The following ASS1 variants were observed in gnomAD, a reference collection of about 807,000 sequenced individuals.
ASS1 encodes argininosuccinate synthase 1, also known as argininosuccinate synthase.
Under a neutral mutation model 60.5 loss-of-function variants are expected in ASS1, and 58 were observed. That is an observed-to-expected ratio of 0.96 (90% CI 0.78 to 1.19). The LOEUF is 1.19. ASS1 is among the 50% of genes most tolerant of loss of function. The probability of loss-of-function intolerance (pLI) is 0.00; values close to 1 mark genes in which losing one functional copy is unlikely to be tolerated. For synonymous variants in ASS1, 200 were observed against 206.9 expected (o/e 0.97, Z 0.29); for missense variants, 454 against 547.3 (o/e 0.83, Z 1.70).
intron 1 of ASS1, chr9:130,451,971 G>A (rs1479398999): frequency 1.1e-5 from 7 of 640,400 alleles, no homozygotes; most frequent in East Asian, 6.3e-5. Context: ...GCCTCTCCCC[G>A]ACCAGCCTAG....
intron 2 of ASS1, among the ~76,000 whole-genome samples, chr9:130,452,636 G>T (rs1226767838): frequency 3.9e-5 from 6 of 152,324 alleles, no homozygotes; most frequent in Middle Eastern, 3.4e-3. Context: ...CTTGCAGAGA[G>T]GCATGGGCTG....
At position 130,499,356 on chromosome 9, in the gene ASS1, T is replaced by C. The variant is rs192915423; in HGVS notation, c.1128-149T>C. 8 of 837,412 alleles carry C rather than the reference T, an allele frequency of 9.6e-6. No homozygotes were observed. The South Asian group carries it at 1.0e-4, about 11-fold the overall frequency. 51.9% of individuals were successfully genotyped at this position (837,412 alleles called of 1,614,324 possible). Reference sequence around the variant, plus strand: ...TTCCCTGAGTTGTACAGAAATTCAATGGAAAGCCGACGTGCAGGGAGGGTT... The same window carrying C: ...TTCCCTGAGTTGTACAGAAATTCAACGGAAAGCCGACGTGCAGGGAGGGTT... On this transcript the variant is annotated intron_variant, in intron 13 of 14. Coordinates refer to ENST00000352480, the MANE Select transcript of ASS1 (RefSeq NM_054012.4).
At chr9:130,446,633 T>C (rs1179352953) in intron 1 of ASS1, among the ~76,000 whole-genome samples, 2 of 152,222 alleles carry the variant, frequency 1.3e-5, no homozygotes, top group Non-Finnish European at 2.9e-5. Context: ...TCCTGAGTGC[T>C]TGGGAAGCAG....
At chr9:130,492,148 G>C (rs905445352) in intron 12 of ASS1, among the ~76,000 whole-genome samples, 2 of 152,184 alleles carry the variant, frequency 1.3e-5, no homozygotes, top group Non-Finnish European at 2.9e-5. Context: ...ATAACTGCGA[G>C]CGCCCGGCGT....
At chr9:130,467,121 G>A (rs976385999) in intron 6 of ASS1, among the ~76,000 whole-genome samples, 3 of 152,064 alleles carry the variant, frequency 2.0e-5, no homozygotes, top group Admixed American at 6.5e-5. Flanking sequence ...TGCCACCTCC[G>A]CAGTGTGTGT....
intron 5 of ASS1, among the ~76,000 whole-genome samples, chr9:130,465,625 T>C (rs1261362675): frequency 6.6e-6 from 1 of 152,194 alleles, no homozygotes; most frequent in African/African-American, 2.4e-5. Context: ...GGGCTCAAGC[T>C]CTGGAAGAGT....
rs994951725 is a variant in ASS1 at position 130,489,686 on chromosome 9, G to A, written c.970+222G>A. Among the ~76,000 whole-genome samples the A allele has an allele frequency of 2.6e-5, 4 of 152,150 alleles. No homozygotes were observed. Among genetic ancestry groups the A allele is most frequent in the African/African-American group, 7.2e-5 (3 of 41,430 alleles). ...GATGCTAGAACCTGCCTTGCCATGG[G>A]GTGTGTCCAGGGAGATGCACCGGCT... is the stretch of plus-strand genomic sequence containing the variant. On this transcript the variant is annotated intron_variant, in intron 12 of 14. Coordinates refer to ENST00000352480, the MANE Select transcript of ASS1 (RefSeq NM_054012.4). This position sits in a 1 kb window ranked among gnomAD's most constrained non-coding sequence, Gnocchi z 4.1.
chr9:130,476,546 C>T lies in ASS1; in HGVS notation c.598-325C>T, dbSNP rs961790036. 7 of 478,212 alleles carry T rather than the reference C, an allele frequency of 1.5e-5. No homozygotes were observed. Among genetic ancestry groups the T allele is most frequent in the African/African-American group, 2.0e-5 (1 of 51,134 alleles). 29.6% of individuals were successfully genotyped at this position (478,212 alleles called of 1,614,324 possible). On this transcript the variant is annotated intron_variant, in intron 8 of 14. Coordinates refer to ENST00000352480, the MANE Select transcript of ASS1 (RefSeq NM_054012.4). The surrounding 1 kb of genome is among the most constrained non-coding windows in gnomAD (Gnocchi z 4.9). ...CGCTCCTGGGAAGCCCTCGGAACGC[C>T]GCCTTGCTCCTCCAAAGTCACACTT...
intron 8 of ASS1, among the ~76,000 whole-genome samples, chr9:130,472,761 C>T (rs1408821816): frequency 6.6e-6 from 1 of 152,228 alleles, no homozygotes; most frequent in Non-Finnish European, 1.5e-5. Context: ...ATTAGCCAGT[C>T]AGTCAGCTCC....
At chr9:130,482,149 G>A (rs1430460932) in intron 11 of ASS1, among the ~76,000 whole-genome samples, 7 of 152,114 alleles carry the variant, frequency 4.6e-5, no homozygotes, top group Admixed American at 1.3e-4. Flanking sequence ...TGGGCCCAGA[G>A]TGGCATGGAG....
rs550402576 is a variant in ASS1, at chr9:130,494,067, C to T, written c.971-800C>T. ...AAGTTTCTTAACTTCTCTGAGCCTC[C>T]CTTCCTCACCCAGAAAGGGGAGAGG... On this transcript the variant is annotated intron_variant, in intron 12 of 14. Transcript: ENST00000352480. The surrounding 1 kb of genome is among the most constrained non-coding windows in gnomAD (Gnocchi z 4.3). 1.1e-4 allele frequency among the ~76,000 whole-genome samples: 17 copies of T among 152,206 alleles called. No individual in the cohort carries two copies. Among genetic ancestry groups the T allele is most frequent in the Non-Finnish European group, 2.2e-4 (15 of 68,038 alleles).
rs1588502683 is a variant in ASS1 at position 130,488,305 on chromosome 9, G to A, written c.839-1028G>A. 6.6e-6 allele frequency among the ~76,000 whole-genome samples: 1 copy of A among 152,302 alleles called. No individual in the cohort carries two copies. The highest frequency in any genetic ancestry group is 1.5e-5 in the Non-Finnish European group (1 of 68,030). The stretch of plus-strand genomic sequence containing the variant: ...GTGATGTAACGTATGGTGGAAGAAA[G>A]GAAGCTCTCGGGGTAGAATCCATGG... On this transcript the variant is annotated intron_variant, in intron 11 of 14. Transcript: ENST00000352480. The surrounding 1 kb of genome is among the most constrained non-coding windows in gnomAD (Gnocchi z 5.2).
intron 11 of ASS1, among the ~76,000 whole-genome samples, chr9:130,484,597 G>A (rs1191595099): frequency 6.6e-6 from 1 of 152,118 alleles, no homozygotes; most frequent in Non-Finnish European, 1.5e-5. Context: ...GATGTCCGTT[G>A]TCTCTTCCAC....
chr9:130,458,699 T>C, intron 4 of ASS1, 110 bp downstream of exon 4: 1 of 1,424,132 alleles, frequency 7.0e-7, no homozygotes. Context: ...GCAGACTTGG[T>C]GCAAGGCAGC....
At position 130,459,379 on chromosome 9, in the gene ASS1, C is replaced by T. The variant is rs1184376178; in HGVS notation, c.363+790C>T. Among the ~76,000 whole-genome samples, 2 of 151,968 alleles carry T rather than the reference C, an allele frequency of 1.3e-5. No homozygotes were observed. Among genetic ancestry groups the T allele is most frequent in the East Asian group, 3.9e-4 (2 of 5,160 alleles). On this transcript the variant is annotated intron_variant, in intron 4 of 14. Transcript: ENST00000352480. This position sits in a 1 kb window ranked among gnomAD's most constrained non-coding sequence, Gnocchi z 4.6. Reference sequence around the variant, plus strand: ...TTACCTTCCCCTTGCTACAGGAACCCGTCTTGGATTAGGGCCCTTCAATGA... The same window carrying T: ...TTACCTTCCCCTTGCTACAGGAACCTGTCTTGGATTAGGGCCCTTCAATGA...
intron 5 of ASS1, among the ~76,000 whole-genome samples, chr9:130,464,637 C>G (rs1288971362): frequency 2.0e-5 from 3 of 152,192 alleles, no homozygotes; most frequent in Non-Finnish European, 4.4e-5. Context: ...GCCTGGTCCC[C>G]AGCATCTCTT....
chr9:130,454,244 A>G, intron 2 of ASS1, 61 bp from the exon 3 acceptor site: 1 of 1,536,868 alleles, frequency 6.5e-7, no homozygotes, highest in Non-Finnish European at 8.9e-7. Context: ...CTGCATGCGG[A>G]TGGTGTGAAC....
At chr9:130,461,890 G>A (rs1237145210) in intron 4 of ASS1, among the ~76,000 whole-genome samples, 1 of 152,204 alleles carries the variant, frequency 6.6e-6, no homozygotes, top group Non-Finnish European at 1.5e-5. Context: ...TTTGGGCTCA[G>A]GGAAGGTGAC....
At chr9:130,454,542 C>G (rs1218121439) in intron 3 of ASS1, among the ~76,000 whole-genome samples, 169 bp downstream of exon 3, 1 of 152,052 alleles carries the variant, frequency 6.6e-6, no homozygotes, top group Non-Finnish European at 1.5e-5. Context: ...TTTTCTGCCT[C>G]CCCCACGCCC....
Sources: gnomAD v4.1 joint callset for allele counts (sites outside exome capture counted in the v4.1 genomes callset) on GRCh38, gnomAD v4.1.1 for gene constraint, Gnocchi (gnomAD v3.1) non-coding constraint, MANE v1.5 for transcripts, NCBI Gene and HGNC (gene_info 2026-07-23, HGNC 2026-07-21) for gene names.